Variants in DCLK2 observed in about 807,000 individuals in gnomAD.
DCLK2 encodes doublecortin like kinase 2.
DCLK2 carries 31 observed loss-of-function variants against 78.4 expected under a neutral mutation model. That is an observed-to-expected ratio of 0.40 (90% CI 0.30 to 0.53). The LOEUF (loss-of-function observed/expected upper bound fraction) is 0.53. DCLK2 is among the 20% of genes least tolerant of loss of function. The pLI, the probability that DCLK2 is intolerant of heterozygous loss-of-function variation, is 0.61. For missense variants in DCLK2, 872 were observed against 973.7 expected (o/e 0.90, Z 1.39); for synonymous variants, 407 against 374.9 (o/e 1.09, Z -0.99).
rs969557342 is a variant in DCLK2 at position 150,256,426 on chromosome 4, T to A, written c.*179T>A. 1.2e-6 allele frequency: 1 copy of A among 800,442 alleles called. No homozygotes were observed. The highest frequency in any genetic ancestry group is 2.8e-5 in the East Asian group (1 of 35,110). The allele number at this position is 800,442 out of a possible 1,614,324, so 49.6% of individuals were successfully genotyped here. A position where few individuals can be genotyped will look rare whatever the true frequency, so the allele number is the denominator to read the frequency against. On this transcript the variant is annotated 3_prime_UTR_variant, in exon 16 of 16. Coordinates refer to ENST00000296550, the MANE Select transcript of DCLK2 (RefSeq NM_001040260.4). ...CGTGCCGGAGCCTGGCCTGGTGCTC[T>A]GGGCTCTGCCTTCTGGTTCCTGGAG...
intron 8 of DCLK2, among the ~76,000 whole-genome samples, chr4:150,225,132 G>C (rs974714723): frequency 6.6e-6 from 1 of 152,198 alleles, no homozygotes; most frequent in Admixed American, 6.5e-5. Context: ...TAGCAATGCT[G>C]CCCAGTCTTT....
chr4:150,117,668 C>G (rs1162105781), intron 2 of DCLK2, among the ~76,000 whole-genome samples: 2 of 152,132 alleles, frequency 1.3e-5, no homozygotes, highest in Non-Finnish European at 2.9e-5. Context: ...CATATAAAGC[C>G]CGTCCTGATG....
At chr4:150,173,485 G>A (rs1736704183) in intron 2 of DCLK2, among the ~76,000 whole-genome samples, 1 of 152,200 alleles carries the variant, frequency 6.6e-6, no homozygotes, top group Admixed American at 6.5e-5. Context: ...AAGGAATTCT[G>A]AGGTGTCGTG....
At chr4:150,249,705 C>A in intron 15 of DCLK2, 21 bp downstream of exon 15, 1 of 1,594,948 alleles carries the variant, frequency 6.3e-7, no homozygotes, top group South Asian at 1.1e-5. Flanking sequence ...GGCGGCAGGT[C>A]TGGCCTGACT....
At chr4:150,240,252 G>A in intron 11 of DCLK2, 147 bp from the exon 12 acceptor site, 2 of 695,534 alleles carry the variant, frequency 2.9e-6, no homozygotes, top group Non-Finnish European at 4.7e-6. Context: ...TTTCTAAAGT[G>A]TGATTCATTC....
At chr4:150,239,293 A>C (rs777195950) in intron 10 of DCLK2, among the ~76,000 whole-genome samples, 3 of 152,336 alleles carry the variant, frequency 2.0e-5, no homozygotes, top group Admixed American at 6.5e-5. Flanking sequence ...AAGATGAATC[A>C]TGGTGTTAGA....
chr4:150,108,309 C>T (rs904464161), intron 2 of DCLK2, among the ~76,000 whole-genome samples: 1 of 151,520 alleles, frequency 6.6e-6, no homozygotes, highest in Admixed American at 6.6e-5. Context: ...GAGATTGAGA[C>T]CATCCTGGCT....
chr4:150,203,969 G>C, intron 5 of DCLK2, 80 bp downstream of exon 5: 1 of 1,336,696 alleles, frequency 7.5e-7, no homozygotes, highest in Non-Finnish European at 1.1e-6. Flanking sequence ...TTTGTTTGGG[G>C]GCTTGAGTAC....
At chr4:150,120,510 C>CT (rs1732442860) in intron 2 of DCLK2, among the ~76,000 whole-genome samples, 1 of 152,106 alleles carries the variant, frequency 6.6e-6, no homozygotes, top group African/African-American at 2.4e-5. Flanking sequence ...TTAATTGAAT[C>CT]TAAGTTAAAA....
At chr4:150,223,414 G>A (rs1486373807) in intron 7 of DCLK2, among the ~76,000 whole-genome samples, 1 of 152,058 alleles carries the variant, frequency 6.6e-6, no homozygotes, top group Non-Finnish European at 1.5e-5. Context: ...AGACATTTTT[G>A]GCATGTTAAA....
At chr4:150,197,720 G>A (rs1044241344) in intron 3 of DCLK2, among the ~76,000 whole-genome samples, 8 of 151,942 alleles carry the variant, frequency 5.3e-5, no homozygotes, top group Admixed American at 3.3e-4. Context: ...CTTGAACCTG[G>A]GAGGCGGAGG....
chr4:150,082,263 CATT>C (rs2150128268), intron 1 of DCLK2, among the ~76,000 whole-genome samples: 1 of 152,260 alleles, frequency 6.6e-6, no homozygotes, highest in South Asian at 2.1e-4. Flanking sequence ...TATTTTACAA[CATT>C]ATGTTCAACT....
intron 2 of DCLK2, among the ~76,000 whole-genome samples, chr4:150,137,924 G>T (rs909200550): frequency 6.6e-6 from 1 of 152,130 alleles, no homozygotes; most frequent in Non-Finnish European, 1.5e-5. Flanking sequence ...ATCCTTTTCA[G>T]CTACCATCTA....
chr4:150,096,108 C>T (rs1022258505), intron 1 of DCLK2, among the ~76,000 whole-genome samples: 13 of 152,172 alleles, frequency 8.5e-5, no homozygotes, highest in African/African-American at 3.1e-4. Flanking sequence ...CTTTACTACT[C>T]TAATCCGGGA....
intron 1 of DCLK2, among the ~76,000 whole-genome samples, chr4:150,102,202 A>C (rs925588209): frequency 6.6e-6 from 1 of 152,214 alleles, no homozygotes; most frequent in Non-Finnish European, 1.5e-5. Flanking sequence ...GAGGACCAAA[A>C]TGTGGAGAAA....
intron 2 of DCLK2, among the ~76,000 whole-genome samples, chr4:150,180,308 C>T (rs1163416388): frequency 6.6e-6 from 1 of 152,250 alleles, no homozygotes; most frequent in East Asian, 1.9e-4. Flanking sequence ...CTGGGAGTTA[C>T]GTGAAATTCA....
intron 2 of DCLK2, among the ~76,000 whole-genome samples, chr4:150,153,812 CTATGCTAGATCTAGCTGTGCTAG>C (rs1488525616): frequency 6.6e-6 from 1 of 152,060 alleles, no homozygotes; most frequent in Non-Finnish European, 1.5e-5. Context: ...GCTTATTGGC[CTATGCTAGATCTAGCTGTGCTAG>C]AAAACCAGGA....
At chr4:150,080,896 T>A (rs1729216394) in intron 1 of DCLK2, among the ~76,000 whole-genome samples, 1 of 152,218 alleles carries the variant, frequency 6.6e-6, no homozygotes, top group Admixed American at 6.5e-5. Flanking sequence ...CTGTCAGTTG[T>A]GTGTTTTGGT....
chr4:150,175,094 T>TTA (rs1165463106), intron 2 of DCLK2, among the ~76,000 whole-genome samples: 1 of 64,146 alleles, frequency 1.6e-5, no homozygotes, highest in African/African-American at 7.1e-5. Flanking sequence ...ATATATATAT[T>TTA]TATATATATT....
Sources: allele counts gnomAD v4.1 joint callset (sites outside exome capture counted in the v4.1 genomes callset), GRCh38; gene constraint gnomAD v4.1.1; transcripts MANE v1.5; gene names NCBI Gene and HGNC (gene_info 2026-07-23, HGNC 2026-07-21).